The following ZMAT4 variants were observed in gnomAD, a reference collection of about 807,000 sequenced individuals.
ZMAT4 encodes zinc finger matrin-type 4.
A neutral mutation model predicts 28.7 loss-of-function variants in ZMAT4; 17 were observed. That is an observed-to-expected ratio of 0.59 (90% CI 0.41 to 0.89). The LOEUF is 0.89. ZMAT4 is among the 40% of genes least tolerant of loss of function. The probability of loss-of-function intolerance (pLI) is 0.00; values close to 1 mark genes in which losing one functional copy is unlikely to be tolerated. For missense variants in ZMAT4, 240 were observed against 283.8 expected, an observed-to-expected ratio of 0.85 and a Z score of 1.11; for synonymous variants, 117 against 109.2, an observed-to-expected ratio of 1.07 and a Z score of -0.44.
At chr8:40,726,184 A>G (rs1223319789) in intron 3 of ZMAT4, among the ~76,000 whole-genome samples, 1 of 152,242 alleles carries the variant, frequency 6.6e-6, no homozygotes, top group Non-Finnish European at 1.5e-5. Context: ...GACTGCCCAG[A>G]TGCACCTGCC....
At chr8:40,809,014 A>G (rs1815207904) in intron 2 of ZMAT4, among the ~76,000 whole-genome samples, 1 of 152,174 alleles carries the variant, frequency 6.6e-6, no homozygotes, top group Non-Finnish European at 1.5e-5. Flanking sequence ...ATACACTAGT[A>G]TGTTCACTGC....
chr8:40,867,154 G>A (rs1395402833), intron 1 of ZMAT4, among the ~76,000 whole-genome samples: 1 of 152,184 alleles, frequency 6.6e-6, no homozygotes. Flanking sequence ...TTACCCCTTA[G>A]GCAGGGGTGT....
intron 1 of ZMAT4, among the ~76,000 whole-genome samples, chr8:40,859,092 C>T (rs1269479177): frequency 6.6e-6 from 1 of 152,222 alleles, no homozygotes; most frequent in African/African-American, 2.4e-5. Context: ...ACCAGGGCTG[C>T]TGGCGCCTGC....
intron 1 of ZMAT4, among the ~76,000 whole-genome samples, chr8:40,896,329 A>T (rs1443391118): frequency 6.6e-6 from 1 of 152,194 alleles, no homozygotes; most frequent in East Asian, 1.9e-4. Context: ...CAGGACTGGG[A>T]ATCGAACTCC....
intron 6 of ZMAT4, among the ~76,000 whole-genome samples, chr8:40,532,657 G>A (rs534583879): frequency 4.6e-5 from 7 of 151,400 alleles, no homozygotes; most frequent in Non-Finnish European, 5.9e-5. Context: ...TATAAGCCTC[G>A]TTGTCCACTC....
chr8:40,694,273 A>G (rs1809779953), intron 4 of ZMAT4, among the ~76,000 whole-genome samples: 1 of 152,124 alleles, frequency 6.6e-6, no homozygotes, highest in African/African-American at 2.4e-5. Context: ...AGGAGGCCAT[A>G]GTGTGGGTTT....
At chr8:40,770,549 A>ATTTTTT (rs60467361) in intron 2 of ZMAT4, among the ~76,000 whole-genome samples, 1 of 117,746 alleles carries the variant, frequency 8.5e-6, no homozygotes, top group Non-Finnish European at 1.7e-5. Flanking sequence ...TTTCTCTCTC[A>ATTTTTT]TTTTTTTTTT....
intron 6 of ZMAT4, among the ~76,000 whole-genome samples, chr8:40,575,438 T>C (rs4509305): frequency 0.11 from 16,922 of 151,960 alleles, 1,218 homozygotes; most frequent in Admixed American, 0.2. Flanking sequence ...ACCAAGTGTA[T>C]GGCCATGTCC....
chr8:40,761,196 T>A lies in ZMAT4; in HGVS notation c.192+6445A>T, dbSNP rs191190527. Among the ~76,000 whole-genome samples the A allele has an allele frequency of 1.8e-4, 28 of 152,308 alleles. No individual in the cohort carries two copies. In the East Asian group the frequency reaches 5.0e-3, roughly 27 times the overall value. On this transcript the variant is annotated intron_variant, in intron 3 of 6. Coordinates refer to ENST00000297737, the MANE Select transcript of ZMAT4 (RefSeq NM_024645.3). ...GGCCAAATGTGTGTAACTATAGCTA[T>A]CCACAAGAGATCCAATTCCAAACAA...
chr8:40,601,728 A>C lies in ZMAT4; in HGVS notation c.578-20467T>G, dbSNP rs558885747. On this transcript the variant is annotated intron_variant, in intron 5 of 6. Transcript: ENST00000297737. ...AGAAAAGAAAGAAAGAAAGAAAGAA[A>C]GAGAAAGCAGGCAGGCAGGCAGGCA... 4.6e-5 allele frequency among the ~76,000 whole-genome samples: 3 copies of C among 65,406 alleles called. No individual in the cohort carries two copies. The South Asian group carries it at 1.5e-3, about 32-fold the overall frequency. The allele number at this position is 65,406 out of a possible 152,430, so 42.9% of individuals were successfully genotyped here.
chr8:40,780,613 A>G (rs958442563), intron 2 of ZMAT4, among the ~76,000 whole-genome samples: 13 of 152,238 alleles, frequency 8.5e-5, no homozygotes, highest in Admixed American at 6.5e-4. Context: ...AGATAAGTAT[A>G]TTTAAGAAGT....
intron 2 of ZMAT4, among the ~76,000 whole-genome samples, chr8:40,794,943 A>G (rs1814524215): frequency 6.6e-6 from 1 of 152,130 alleles, no homozygotes; most frequent in African/African-American, 2.4e-5. Context: ...ACAGCAGAGG[A>G]GGACTAGATG....
At chr8:40,819,796 T>C (rs1237698103) in intron 2 of ZMAT4, among the ~76,000 whole-genome samples, 1 of 152,184 alleles carries the variant, frequency 6.6e-6, no homozygotes, top group Non-Finnish European at 1.5e-5. Context: ...ACTCAGTACC[T>C]TCTTCCTTTG....
At chr8:40,889,911 C>T (rs991355325) in intron 1 of ZMAT4, among the ~76,000 whole-genome samples, 16 of 152,186 alleles carry the variant, frequency 1.1e-4, no homozygotes, top group East Asian at 3.8e-4. Context: ...TTTTTTGAGA[C>T]ACATCTCCTA....
intron 5 of ZMAT4, among the ~76,000 whole-genome samples, chr8:40,582,400 T>C (rs921466681): frequency 1.3e-5 from 2 of 152,130 alleles, no homozygotes; most frequent in Non-Finnish European, 1.5e-5. Context: ...CTCAGGAGGC[T>C]GAGAGCCCAG....
intron 3 of ZMAT4, among the ~76,000 whole-genome samples, chr8:40,753,689 G>T (rs1003673040): frequency 6.6e-6 from 1 of 152,140 alleles, no homozygotes; most frequent in Non-Finnish European, 1.5e-5. Context: ...AAGATCACAG[G>T]ATAATACAGA....
intron 1 of ZMAT4, among the ~76,000 whole-genome samples, chr8:40,870,850 A>G (rs1446098626): frequency 5.3e-5 from 8 of 152,228 alleles, no homozygotes; most frequent in Admixed American, 2.0e-4. Flanking sequence ...TAAAGCAGAG[A>G]TTCCCTTACC....
At chr8:40,538,751 T>C (rs1299804836) in intron 6 of ZMAT4, among the ~76,000 whole-genome samples, 4 of 152,110 alleles carry the variant, frequency 2.6e-5, no homozygotes, top group African/African-American at 9.7e-5. Flanking sequence ...TAGAACTTTC[T>C]TTTATTGTTT....
intron 2 of ZMAT4, among the ~76,000 whole-genome samples, chr8:40,800,526 A>G (rs993541904): frequency 3.9e-5 from 6 of 152,202 alleles, no homozygotes; most frequent in African/African-American, 1.2e-4. Flanking sequence ...AATAAAAATC[A>G]TAATAGAAAT....
Sources: gnomAD v4.1 joint callset for allele counts (sites outside exome capture counted in the v4.1 genomes callset) on GRCh38, gnomAD v4.1.1 for gene constraint, MANE v1.5 for transcripts, NCBI Gene and HGNC (gene_info 2026-07-23, HGNC 2026-07-21) for gene names.